The following FAHD1 variants were observed in gnomAD, a reference collection of about 807,000 sequenced individuals.
FAHD1 encodes the protein FAH domain containing oxaloacetate decarboxylase 1, also known as oxaloacetate tautomerase FAHD1, mitochondrial.
A neutral mutation model predicts 12.7 loss-of-function variants in FAHD1; 14 were observed. That is an observed-to-expected ratio of 1.10 (90% CI 0.73 to 1.72). The LOEUF is 1.72. Ranked by LOEUF, FAHD1 falls within the 40% of genes most tolerant of loss-of-function variation. FAHD1 has a pLI of 0.00. For synonymous variants in FAHD1, 153 were observed against 124.9 expected (o/e 1.22, Z -1.50); for missense variants, 351 against 298.9 (o/e 1.17, Z -1.29).
chr16:1,829,923 G>A (rs1898592167), downstream of FAHD1, among the ~76,000 whole-genome samples: 1 of 151,720 alleles, frequency 6.6e-6, no homozygotes, highest in Admixed American at 6.6e-5. Flanking sequence ...GAGTGCAGTG[G>A]CACAATCTCG....
chr16:1,839,508 G>T, exon 3 of FAHD1: 13 of 1,390,912 alleles, frequency 9.3e-6, no homozygotes, highest in African/African-American at 1.4e-5. Context: ...AGCAGAAAAA[G>T]AATTGTCACT....
At chr16:1,827,713 A>T (rs779029732) in exon 1 of FAHD1, 1 of 1,614,042 alleles carries the variant, frequency 6.2e-7, no homozygotes, top group African/African-American at 1.3e-5. Context: ...GGAGGGTGAG[A>T]CATCCTCCAT....
At chr16:1,828,030 G>A (rs1143032) in exon 1 of FAHD1, 228,775 of 1,467,032 alleles carry the variant, frequency 0.16, 19,136 homozygotes, top group South Asian at 0.2. Context: ...GCCTGTAATC[G>A]CAGCACTTTG....
exon 3 of FAHD1, chr16:1,839,552 G>T: frequency 2.1e-6 from 2 of 931,192 alleles, no homozygotes; most frequent in Non-Finnish European, 3.2e-6. Flanking sequence ...AAAACTTACT[G>T]AGTGTTCAGT....
At chr16:1,837,954 C>G in intron 1 of FAHD1, 3 of 1,447,056 alleles carry the variant, frequency 2.1e-6, no homozygotes, top group Non-Finnish European at 2.7e-6. Context: ...AACAAACTTT[C>G]TCATTAGAAA....
At chr16:1,832,222 C>CTAGAG (rs1555470290), downstream of FAHD1, among the ~76,000 whole-genome samples, 7 of 132,734 alleles carry the variant, frequency 5.3e-5, no homozygotes. Context: ...GTTGCCCACG[C>CTAGAG]TGCAGTGGCA....
At chr16:1,836,761 A>G (rs1233645750) in intron 1 of FAHD1, among the ~76,000 whole-genome samples, 2 of 147,254 alleles carry the variant, frequency 1.4e-5, no homozygotes, top group African/African-American at 4.9e-5. Context: ...TAATTTCATA[A>G]TAACACTAAT....
At chr16:1,839,955 G>C (rs1285734315) in exon 3 of FAHD1, 2 of 152,442 alleles carry the variant, frequency 1.3e-5, no homozygotes, top group Non-Finnish European at 2.9e-5. Flanking sequence ...GCCTTGCAAG[G>C]CTGGCCGGGT....
exon 1 of FAHD1, chr16:1,828,596 T>TAC: frequency 1.0e-6 from 1 of 999,474 alleles, no homozygotes; most frequent in Non-Finnish European, 1.2e-6. Flanking sequence ...TTTTCTTAGA[T>TAC]TTGGTCATCA....
chr16:1,834,347 G>T, intron 1 of FAHD1: 1 of 1,607,856 alleles, frequency 6.2e-7, no homozygotes, highest in Non-Finnish European at 8.5e-7. Context: ...TCCACTCCTT[G>T]CTCTGTGTGA....
At chr16:1,839,376 G>C (rs1368002794) in exon 3 of FAHD1, 1 of 1,614,072 alleles carries the variant, frequency 6.2e-7, no homozygotes, top group East Asian at 2.2e-5. Context: ...AAAGTCCAAG[G>C]AGTTTTTGTT....
At chr16:1,830,942 A>ACACACACACC (rs763868736), downstream of FAHD1, among the ~76,000 whole-genome samples, 9 of 127,986 alleles carry the variant, frequency 7.0e-5, 1 homozygote, top group South Asian at 2.7e-4. Flanking sequence ...ACACACACAC[A>ACACACACACC]CACCCATATT....
intron 2 of FAHD1, chr16:1,839,133 TC>T: frequency 1.7e-6 from 2 of 1,173,604 alleles, no homozygotes; most frequent in East Asian, 2.7e-5. Context: ...GATGATTTTT[TC>T]CCAGGCTGTT....
exon 3 of FAHD1, chr16:1,839,727 C>T (rs1567272565): frequency 3.1e-6 from 1 of 318,808 alleles, no homozygotes; most frequent in South Asian, 4.6e-5. Context: ...CTTGCTGGGG[C>T]CCTCCCTTCT....
downstream of FAHD1, among the ~76,000 whole-genome samples, chr16:1,832,918 G>C (rs936498424): frequency 8.5e-5 from 13 of 152,162 alleles, no homozygotes; most frequent in African/African-American, 3.1e-4. Flanking sequence ...GGGTGAACCT[G>C]CATCCCTCCT....
At chr16:1,833,412 C>T (rs1285754613), downstream of FAHD1, among the ~76,000 whole-genome samples, 1 of 152,062 alleles carries the variant, frequency 6.6e-6, no homozygotes, top group African/African-American at 2.4e-5. Flanking sequence ...TAGAAGAGCC[C>T]CAGGTGCTCA....
intron 2 of FAHD1, chr16:1,839,233 T>C: frequency 6.4e-7 from 1 of 1,555,116 alleles, no homozygotes; most frequent in South Asian, 1.2e-5. Context: ...ATTCTAAACA[T>C]TTCTTCCTTT....
exon 1 of FAHD1, chr16:1,827,571 G>A (rs1485579299): frequency 8.7e-6 from 14 of 1,613,556 alleles, no homozygotes; most frequent in Non-Finnish European, 1.2e-5. Flanking sequence ...AGTGCAAGAA[G>A]AAGGGGCTGC....
intron 1 of FAHD1, chr16:1,834,064 C>T (rs1402930248): frequency 6.3e-6 from 3 of 476,148 alleles, no homozygotes; most frequent in Non-Finnish European, 1.1e-5. Flanking sequence ...AGTAGGAGGC[C>T]TTCTAAGAAG....
Sources: gnomAD v4.1 joint callset for allele counts (sites outside exome capture counted in the v4.1 genomes callset) on GRCh38, gnomAD v4.1.1 for gene constraint, MANE v1.5 for transcripts, NCBI Gene and HGNC (gene_info 2026-07-23, HGNC 2026-07-21) for gene names.